Variants in CSMD1 observed in about 807,000 individuals in gnomAD.
CSMD1 encodes CUB and sushi domain-containing protein 1.
CSMD1 carries 213 observed loss-of-function variants against 417.5 expected under a neutral mutation model. That is an observed-to-expected ratio of 0.51 (90% CI 0.46 to 0.57). The LOEUF (loss-of-function observed/expected upper bound fraction) is 0.57. Among genes scored for constraint, CSMD1 ranks in the 20% least tolerant of loss-of-function variants. CSMD1 has a pLI of 0.00. For synonymous variants in CSMD1, 2,862 were observed against 1,736.8 expected (o/e 1.65, Z -16.11); for missense variants, 6,923 against 4,529.7 (o/e 1.53, Z -15.17).
At chr8:4,704,261 G>C (rs1477940402) in intron 1 of CSMD1, among the ~76,000 whole-genome samples, 3 of 152,328 alleles carry the variant, frequency 2.0e-5, no homozygotes, top group African/African-American at 7.2e-5. Flanking sequence ...CTATCCCCAA[G>C]TATACTTGGA....
intron 1 of CSMD1, among the ~76,000 whole-genome samples, chr8:4,982,223 T>C (rs192959349): frequency 6.6e-6 from 1 of 152,332 alleles, no homozygotes; most frequent in Admixed American, 6.5e-5. Context: ...AATGCATGTG[T>C]GCTGTTTGAA....
At chr8:3,979,401 G>A (rs1457421376) in intron 5 of CSMD1, among the ~76,000 whole-genome samples, 1 of 152,180 alleles carries the variant, frequency 6.6e-6, no homozygotes, top group Non-Finnish European at 1.5e-5. Context: ...CGCAGCTACA[G>A]AGGCTACATG....
intron 7 of CSMD1, among the ~76,000 whole-genome samples, chr8:3,678,146 G>C (rs747704023): frequency 3.3e-5 from 5 of 152,180 alleles, no homozygotes; most frequent in Non-Finnish European, 7.3e-5. Context: ...TCCAGCTGAG[G>C]AATGCAGCTC....
intron 1 of CSMD1, among the ~76,000 whole-genome samples, chr8:4,881,791 G>A (rs928900374): frequency 6.6e-6 from 1 of 151,984 alleles, no homozygotes; most frequent in African/African-American, 2.4e-5. Flanking sequence ...TTCACAAACT[G>A]CATGGAATAA....
At chr8:3,004,153 A>G (rs1273923539) in intron 52 of CSMD1, among the ~76,000 whole-genome samples, 1 of 152,176 alleles carries the variant, frequency 6.6e-6, no homozygotes, top group African/African-American at 2.4e-5. Context: ...AATATCATCT[A>G]GTGATAATAA....
intron 12 of CSMD1, among the ~76,000 whole-genome samples, chr8:3,464,560 A>T (rs1444834504): frequency 6.7e-6 from 1 of 150,232 alleles, no homozygotes; most frequent in Non-Finnish European, 1.5e-5. Context: ...GATTCTATCT[A>T]TTATAAATAT....
chr8:4,463,855 G>C (rs138939518), intron 2 of CSMD1, among the ~76,000 whole-genome samples: 22 of 152,088 alleles, frequency 1.4e-4, no homozygotes, highest in African/African-American at 5.3e-4. Flanking sequence ...ATATTAAAAA[G>C]CACTGAAGAG....
chr8:4,947,940 G>T (rs138484934), intron 1 of CSMD1, among the ~76,000 whole-genome samples: 1 of 151,872 alleles, frequency 6.6e-6, no homozygotes, highest in Non-Finnish European at 1.5e-5. Context: ...TGCTTTGTGC[G>T]TTTATTCCTA....
intron 6 of CSMD1, among the ~76,000 whole-genome samples, chr8:3,740,196 C>A (rs1796724230): frequency 6.6e-6 from 1 of 152,202 alleles, no homozygotes; most frequent in Admixed American, 6.5e-5. Flanking sequence ...ACCCCCACCT[C>A]CCAGGTTCAA....
chr8:4,143,651 C>G (rs13254939), intron 3 of CSMD1, among the ~76,000 whole-genome samples: 45,208 of 150,748 alleles, frequency 0.3, 8,432 homozygotes, highest in Non-Finnish European at 0.39. Context: ...AGAGCATTGA[C>G]TGTGAGTTCT....
At chr8:4,002,353 T>A (rs992979208) in intron 4 of CSMD1, among the ~76,000 whole-genome samples, 7 of 152,154 alleles carry the variant, frequency 4.6e-5, no homozygotes, top group African/African-American at 7.2e-5. Flanking sequence ...TGTAAGGGAT[T>A]TTACTTTCTA....
chr8:3,026,794 G>A (rs1206130095), intron 51 of CSMD1, among the ~76,000 whole-genome samples: 1 of 152,192 alleles, frequency 6.6e-6, no homozygotes, highest in Admixed American at 6.5e-5. Context: ...ACTAACACAG[G>A]TCCTCAAATT....
At chr8:3,687,096 T>C (rs7816248) in intron 7 of CSMD1, among the ~76,000 whole-genome samples, 47,823 of 152,160 alleles carry the variant, frequency 0.31, 8,480 homozygotes, top group South Asian at 0.42. Context: ...GTATGTCCAA[T>C]AAAATGCAGG....
chr8:3,720,698 T>C (rs947608565), intron 6 of CSMD1, among the ~76,000 whole-genome samples: 1 of 151,776 alleles, frequency 6.6e-6, no homozygotes, highest in Non-Finnish European at 1.5e-5. Flanking sequence ...GCTTAAATGA[T>C]ACCTAGTTCC....
At position 3,189,094 on chromosome 8, in the gene CSMD1, C is replaced by T. The variant is rs536729973; in HGVS notation, c.5399-83G>A. 1.0e-4 allele frequency: 130 copies of T among 1,291,778 alleles called. 1 individual carries two copies. In the South Asian group the frequency reaches 2.0e-3, roughly 19 times the overall value. 80.0% of individuals were successfully genotyped at this position (1,291,778 alleles called of 1,614,324 possible). ...CATGCAGTTTTCTTTCACTGTGTGA[C>T]CACACAGTAAGAGAAAATGTACATG... On this transcript the variant is annotated intron_variant, in intron 34 of 69. Coordinates refer to ENST00000635120, the MANE Select transcript of CSMD1 (RefSeq NM_033225.6).
At chr8:4,238,887 C>G (rs1011109405) in intron 3 of CSMD1, among the ~76,000 whole-genome samples, 9 of 152,062 alleles carry the variant, frequency 5.9e-5, no homozygotes, top group African/African-American at 2.2e-4. Flanking sequence ...TTAGCAAATG[C>G]TTTTTTGAGT....
At chr8:4,799,247 G>A (rs28705778) in intron 1 of CSMD1, among the ~76,000 whole-genome samples, 13,092 of 152,128 alleles carry the variant, frequency 0.086, 1,453 homozygotes, top group African/African-American at 0.26. Context: ...GGATAACACC[G>A]ATGTAGCTCA....
intron 3 of CSMD1, among the ~76,000 whole-genome samples, chr8:4,392,907 TG>T (rs533303468): frequency 2.9e-3 from 442 of 151,950 alleles, no homozygotes; most frequent in African/African-American, 0.01. Flanking sequence ...AGACGGAGCT[TG>T]CAGTGAGCGG....
intron 7 of CSMD1, among the ~76,000 whole-genome samples, chr8:3,686,584 G>A (rs1469064109): frequency 1.3e-5 from 2 of 152,166 alleles, no homozygotes; most frequent in African/African-American, 4.8e-5. Context: ...GATACCAAAA[G>A]GGAAGCAGTG....
Sources: allele counts gnomAD v4.1 joint callset (sites outside exome capture counted in the v4.1 genomes callset), GRCh38; gene constraint gnomAD v4.1.1; transcripts MANE v1.5; gene names NCBI Gene and HGNC (gene_info 2026-07-23, HGNC 2026-07-21).